Variants in PIWIL2 observed in about 807,000 individuals in gnomAD.
PIWIL2 encodes the protein piwi-like protein 2.
A neutral mutation model predicts 116.5 loss-of-function variants in PIWIL2; 81 were observed. The observed-to-expected ratio is 0.70, with a 90% CI of 0.58 to 0.84. PIWIL2 has a LOEUF of 0.84. PIWIL2 is among the 40% of genes least tolerant of loss of function. The pLI, the probability that PIWIL2 is intolerant of heterozygous loss-of-function variation, is 0.00. For synonymous variants in PIWIL2, 489 were observed against 429.5 expected, an observed-to-expected ratio of 1.14 and a Z score of -1.71; for missense variants, 1,272 against 1,212.3, an observed-to-expected ratio of 1.05 and a Z score of -0.73.
intron 20 of PIWIL2, among the ~76,000 whole-genome samples, chr8:22,337,276 A>T (rs953755433): frequency 6.6e-6 from 1 of 152,080 alleles, no homozygotes; most frequent in Admixed American, 6.6e-5. Context: ...CACACACACA[A>T]TTAGAGCTAA....
intron 20 of PIWIL2, among the ~76,000 whole-genome samples, chr8:22,347,411 G>C (rs917397857): frequency 2.0e-5 from 3 of 151,484 alleles, no homozygotes; most frequent in African/African-American, 7.3e-5. Context: ...TAGAGATGGG[G>C]CTTCACCATG....
intron 13 of PIWIL2, among the ~76,000 whole-genome samples, chr8:22,307,495 T>C (rs983905392): frequency 1.0e-5 from 1 of 95,882 alleles, no homozygotes; most frequent in African/African-American, 3.0e-5. Context: ...TTTTTTTTTT[T>C]TTTTGGAGAT....
chr8:22,349,461 C>G (rs995387298), intron 20 of PIWIL2, among the ~76,000 whole-genome samples: 1 of 143,408 alleles, frequency 7.0e-6, no homozygotes, highest in Admixed American at 7.1e-5. Flanking sequence ...TACTTTATCC[C>G]TTTTAACAAC....
chr8:22,280,733 C>T (rs1411848674), intron 2 of PIWIL2, among the ~76,000 whole-genome samples: 2 of 152,186 alleles, frequency 1.3e-5, no homozygotes, highest in African/African-American at 4.8e-5. Context: ...CACTTGTTCT[C>T]TCTTGCCTTG....
chr8:22,353,718 A>G (rs1046240160), intron 21 of PIWIL2, among the ~76,000 whole-genome samples: 2 of 147,424 alleles, frequency 1.4e-5, no homozygotes, highest in Admixed American at 1.4e-4. Flanking sequence ...TTTTGCTAAG[A>G]TAGCGTATGC....
At chr8:22,296,090 C>T (rs1308911892) in intron 10 of PIWIL2, among the ~76,000 whole-genome samples, 1 of 130,270 alleles carries the variant, frequency 7.7e-6, no homozygotes, top group East Asian at 2.2e-4. Flanking sequence ...GAGTCTTGCT[C>T]TGTTGCCCAG....
chr8:22,276,808 C>G (rs529771630), intron 1 of PIWIL2, among the ~76,000 whole-genome samples: 5 of 151,892 alleles, frequency 3.3e-5, no homozygotes, highest in African/African-American at 1.2e-4. Context: ...GAGGCTGAGA[C>G]AAGAGGACTG....
chr8:22,296,205 G>A lies in PIWIL2; in HGVS notation c.1181+5859G>A, dbSNP rs570700518. 6.1e-4 allele frequency among the ~76,000 whole-genome samples: 92 copies of A among 151,950 alleles called. 1 individual carries two copies. The highest frequency in any genetic ancestry group is 5.0e-3 in the South Asian group (24 of 4,804). ...TGAGTAGCTGGGACTACAGGCGTGC[G>A]CCACCACGCCCAGCTAATTTTTGTA... is the stretch of plus-strand genomic sequence containing the variant. On this transcript the variant is annotated intron_variant, in intron 10 of 22. Coordinates refer to ENST00000356766, the MANE Select transcript of PIWIL2 (RefSeq NM_018068.5).
At chr8:22,278,099 C>T (rs1031311531) in intron 1 of PIWIL2, among the ~76,000 whole-genome samples, 16 of 151,628 alleles carry the variant, frequency 1.1e-4, no homozygotes, top group African/African-American at 3.2e-4. Flanking sequence ...ACCCAGGAGG[C>T]AGAGGTTGCG....
At chr8:22,311,423 C>A in intron 16 of PIWIL2, 123 bp downstream of exon 16, 1 of 749,646 alleles carries the variant, frequency 1.3e-6, no homozygotes, top group Non-Finnish European at 2.1e-6. Flanking sequence ...CTTACCCATG[C>A]GCACATGAAA....
In PIWIL2 at chr8:22,311,349, T is replaced by A. The variant is rs376920280; in HGVS notation, c.1989+49T>A. On this transcript the variant is annotated intron_variant, in intron 16 of 22. Coordinates refer to ENST00000356766, the MANE Select transcript of PIWIL2 (RefSeq NM_018068.5). Reference sequence around the variant, plus strand: ...TTATAGGATGTCCATTTTAAATTACTTAAATACTTAATTTTAATGTATCAT... The same window carrying A: ...TTATAGGATGTCCATTTTAAATTACATAAATACTTAATTTTAATGTATCAT... 2.8e-6 allele frequency: 4 copies of A among 1,419,568 alleles called. No homozygotes were observed. In the African/African-American group the frequency reaches 5.7e-5, roughly 20 times the overall value. 87.9% of individuals were successfully genotyped at this position (1,419,568 alleles called of 1,614,324 possible). A position where few individuals can be genotyped will look rare whatever the true frequency, so the allele number is the denominator to read the frequency against.
At chr8:22,283,651 C>T (rs1385665279) in intron 5 of PIWIL2, among the ~76,000 whole-genome samples, 2 of 152,160 alleles carry the variant, frequency 1.3e-5, no homozygotes, top group Non-Finnish European at 2.9e-5. Flanking sequence ...CCTCGTGATC[C>T]ACCCGCCTCG....
chr8:22,290,613 A>ATTTTTTT (rs34573190), intron 10 of PIWIL2, among the ~76,000 whole-genome samples: 46 of 114,070 alleles, frequency 4.0e-4, no homozygotes, highest in Non-Finnish European at 5.4e-4. Flanking sequence ...CCAATTTTTA[A>ATTTTTTT]TTTTTTTTTT....
chr8:22,353,359 T>C (rs1832417589), intron 21 of PIWIL2, 147 bp downstream of exon 21: 1 of 738,122 alleles, frequency 1.4e-6, no homozygotes, highest in Non-Finnish European at 2.2e-6. Flanking sequence ...GTTTAAAAAA[T>C]ATTTAAGGGC....
At chr8:22,304,946 T>C (rs989303419) in intron 12 of PIWIL2, 78 bp downstream of exon 12, 8 of 954,532 alleles carry the variant, frequency 8.4e-6, no homozygotes, top group Non-Finnish European at 1.4e-5. Flanking sequence ...CCTCATGGCT[T>C]TGTGGGAGCT....
chr8:22,281,827 AATGCCTCAAT>A (rs1830511127), intron 4 of PIWIL2, among the ~76,000 whole-genome samples: 1 of 145,460 alleles, frequency 6.9e-6, no homozygotes, highest in South Asian at 2.2e-4. Context: ...GCTGGAGTGC[AATGCCTCAAT>A]CTTGGCTCAC....
At chr8:22,279,273 C>A in intron 1 of PIWIL2, 68 bp from the exon 2 acceptor site, 1 of 813,656 alleles carries the variant, frequency 1.2e-6, no homozygotes, top group Non-Finnish European at 2.1e-6. Context: ...TATTTTAATG[C>A]TTTGTGAGTG....
At position 22,354,482 on chromosome 8, in the gene PIWIL2, TTCTTCATA is replaced by T. The variant is rs1464094996; in HGVS notation, c.2765+109_2765+116del. Reference sequence around the variant, plus strand: ...CCAAAATATATTTACCTCTTGACTTTTCTTCATATCTTTGACAATTATGGTGTCTTTTT... The same window carrying T: ...CCAAAATATATTTACCTCTTGACTTTTCTTTGACAATTATGGTGTCTTTTT... On this transcript the variant is annotated intron_variant, in intron 22 of 22. Transcript: ENST00000356766. 3.7e-5 allele frequency: 23 copies of T among 626,480 alleles called. No individual in the cohort carries two copies. In the Middle Eastern group the frequency reaches 2.1e-3, roughly 56 times the overall value. The allele number at this position is 626,480 out of a possible 1,614,324, so 38.8% of individuals were successfully genotyped here. A position where few individuals can be genotyped will look rare whatever the true frequency, so the allele number is the denominator to read the frequency against.
chr8:22,280,112 G>A (rs577946004), intron 2 of PIWIL2, among the ~76,000 whole-genome samples: 14 of 152,276 alleles, frequency 9.2e-5, no homozygotes, highest in African/African-American at 3.4e-4. Context: ...GCGCTAGATG[G>A]ACTTGGTAAG....
Sources: allele counts gnomAD v4.1 joint callset (sites outside exome capture counted in the v4.1 genomes callset), GRCh38; gene constraint gnomAD v4.1.1; transcripts MANE v1.5; gene names NCBI Gene and HGNC (gene_info 2026-07-23, HGNC 2026-07-21).